FRK: variants seen among roughly 807,000 people sequenced by gnomAD.
The protein encoded by FRK is fyn related Src family tyrosine kinase.
FRK carries 51 observed loss-of-function variants against 56.4 expected under a neutral mutation model. That is an observed-to-expected ratio of 0.90 (90% CI 0.72 to 1.14). The LOEUF (loss-of-function observed/expected upper bound fraction) is 1.14. Among genes scored for constraint, FRK ranks in the 50% most tolerant of loss-of-function variants. The pLI is 0.00. For synonymous variants in FRK, 245 were observed against 217.9 expected (o/e 1.12, Z -1.10); for missense variants, 570 against 601.4 (o/e 0.95, Z 0.55).
chr6:116,019,731 G>C (rs1775792767), intron 1 of FRK, among the ~76,000 whole-genome samples: 1 of 152,192 alleles, frequency 6.6e-6, no homozygotes, highest in African/African-American at 2.4e-5. Context: ...AGTTACATGT[G>C]ACTTCACTAA....
intron 1 of FRK, among the ~76,000 whole-genome samples, chr6:116,020,127 C>T (rs553877671): frequency 9.2e-5 from 14 of 152,002 alleles, no homozygotes; most frequent in African/African-American, 3.1e-4. Flanking sequence ...TGATTTATTC[C>T]ATCTATAGAA....
intron 1 of FRK, among the ~76,000 whole-genome samples, chr6:116,017,531 C>A (rs997816375): frequency 1.3e-5 from 2 of 152,188 alleles, no homozygotes; most frequent in Non-Finnish European, 2.9e-5. Context: ...GCCAACAGTT[C>A]TTTGCCCAGT....
intron 1 of FRK, among the ~76,000 whole-genome samples, chr6:116,005,790 A>G (rs76115982): frequency 0.065 from 9,904 of 152,226 alleles, 483 homozygotes; most frequent in Non-Finnish European, 0.096. Context: ...TAAATATACA[A>G]ATTAGTGATG....
intron 1 of FRK, among the ~76,000 whole-genome samples, chr6:116,041,936 T>A (rs779805259): frequency 1.3e-5 from 2 of 152,070 alleles, no homozygotes; most frequent in Non-Finnish European, 2.9e-5. Flanking sequence ...AAGCCAGGGA[T>A]CCCAGTGGTC....
chr6:115,943,046 AT>A lies in FRK; in HGVS notation c.1279del (p.Ile427LeufsTer11), dbSNP rs755604497. 38 of 1,612,662 alleles carry A rather than the reference AT, an allele frequency of 2.4e-5. 1 individual carries two copies. The highest frequency in any genetic ancestry group is 2.5e-5 in the Non-Finnish European group (30 of 1,179,464). On this transcript the variant is annotated frameshift_variant, in exon 7 of 8. Transcript: ENST00000606080. LOFTEE classifies it high-confidence loss of function. ...WSFGILLYEI[I>X]TYGKMPYSGM... ...ACTGTAAGGCATTTTGCCATAAGTA[AT>A]GATTTCATAAAGAAGGATTCCAAAT...
chr6:115,986,807 A>T (rs947061648), intron 2 of FRK, among the ~76,000 whole-genome samples: 2 of 152,184 alleles, frequency 1.3e-5, no homozygotes, highest in African/African-American at 4.8e-5. Context: ...GACAAGGCAC[A>T]TCCAGGGAAA....
At chr6:116,027,811 G>A (rs1177758252) in intron 1 of FRK, among the ~76,000 whole-genome samples, 1 of 151,550 alleles carries the variant, frequency 6.6e-6, no homozygotes, top group Non-Finnish European at 1.5e-5. Context: ...AAAGAAAAAT[G>A]CAAAATGAAA....
intron 1 of FRK, among the ~76,000 whole-genome samples, chr6:116,022,077 C>T (rs751258401): frequency 3.3e-5 from 5 of 151,774 alleles, no homozygotes; most frequent in Non-Finnish European, 5.9e-5. Flanking sequence ...AAGATGAAAT[C>T]GACAGGTTCC....
intron 1 of FRK, among the ~76,000 whole-genome samples, chr6:116,052,335 C>A (rs1777210321): frequency 6.6e-6 from 1 of 151,800 alleles, no homozygotes; most frequent in South Asian, 2.1e-4. Context: ...GTAGAATTTT[C>A]TGGTAGGTAA....
At chr6:115,967,331 A>G (rs988271078) in intron 4 of FRK, among the ~76,000 whole-genome samples, 3 of 152,192 alleles carry the variant, frequency 2.0e-5, no homozygotes, top group African/African-American at 4.8e-5. Flanking sequence ...CAGACTCTTC[A>G]ATCAGCGATA....
In FRK at chr6:116,003,914, T is replaced by C. The variant is rs1775154754; in HGVS notation, c.429A>G (p.Arg143=). 3 of 1,613,594 alleles carry C rather than the reference T, an allele frequency of 1.9e-6. No individual in the cohort carries two copies. The highest frequency in any genetic ancestry group is 2.5e-6 in the Non-Finnish European group (3 of 1,179,858). Residue 143 remains arginine (R), a synonymous_variant, in exon 2 of 8, where the codon AGA becomes AGG. Transcript: ENST00000606080. ...ATTCTCCTTTTTGGCTTTCACTTTCTCTGATTAGAAAGGAACCGGTCTTGT... is the reference window on the plus strand; with the variant it reads ...ATTCTCCTTTTTGGCTTTCACTTTCCCTGATTAGAAAGGAACCGGTCTTGT... The part of the protein sequence containing the change: ...SENKTGSFLI[R]ESESQKGEFS...
At chr6:115,955,932 A>G (rs947266269) in intron 5 of FRK, among the ~76,000 whole-genome samples, 1 of 152,238 alleles carries the variant, frequency 6.6e-6, no homozygotes, top group African/African-American at 2.4e-5. Flanking sequence ...ATAAAGTAAT[A>G]GCATATTTCT....
intron 2 of FRK, among the ~76,000 whole-genome samples, chr6:115,980,175 G>A (rs757526597): frequency 9.2e-5 from 14 of 152,000 alleles, no homozygotes; most frequent in Non-Finnish European, 1.6e-4. Context: ...GTATTTGTAT[G>A]GGAAACTACA....
chr6:115,986,659 G>C (rs1324461640), intron 2 of FRK, among the ~76,000 whole-genome samples: 2 of 152,098 alleles, frequency 1.3e-5, no homozygotes, highest in African/African-American at 2.4e-5. Flanking sequence ...TAAGATTCTA[G>C]CAAGAAGGTT....
At chr6:116,020,305 GTT>G (rs113415192) in intron 1 of FRK, among the ~76,000 whole-genome samples, 1 of 149,126 alleles carries the variant, frequency 6.7e-6, no homozygotes, top group Non-Finnish European at 1.5e-5. Flanking sequence ...TTTGTTTTTT[GTT>G]TTTTTTTGGA....
intron 5 of FRK, among the ~76,000 whole-genome samples, chr6:115,952,227 C>A (rs970978261): frequency 1.3e-5 from 2 of 152,122 alleles, no homozygotes; most frequent in Non-Finnish European, 2.9e-5. Context: ...GTTGCCATTG[C>A]TTTTGGTGTT....
intron 1 of FRK, among the ~76,000 whole-genome samples, chr6:116,039,915 C>T (rs1776648253): frequency 6.7e-6 from 1 of 149,526 alleles, no homozygotes; most frequent in Non-Finnish European, 1.5e-5. Flanking sequence ...GTGAACCACC[C>T]ACGTGTGAGG....
chr6:116,063,487 T>A (rs1263597466), upstream of FRK, among the ~76,000 whole-genome samples: 3 of 151,480 alleles, frequency 2.0e-5, no homozygotes, highest in Non-Finnish European at 4.4e-5. Context: ...CTGACTTATA[T>A]GTGGAAGCTA....
chr6:116,031,078 G>A (rs1776289719), intron 1 of FRK, among the ~76,000 whole-genome samples: 1 of 152,076 alleles, frequency 6.6e-6, no homozygotes, highest in Non-Finnish European at 1.5e-5. Context: ...TATATGGGAA[G>A]AAATTTGTTG....
Sources: gnomAD v4.1 joint callset for allele counts (sites outside exome capture counted in the v4.1 genomes callset) on GRCh38, gnomAD v4.1.1 for gene constraint, MANE v1.5 for transcripts, NCBI Gene and HGNC (gene_info 2026-07-23, HGNC 2026-07-21) for gene names.